The following TRPC5 variants were observed in gnomAD, a reference collection of about 807,000 sequenced individuals.
TRPC5 encodes the protein short transient receptor potential channel 5.
Under a neutral mutation model 56.5 loss-of-function variants are expected in TRPC5, and 9 were observed. The ratio of observed to expected loss-of-function variants is 0.16; its 90% CI spans 0.10 to 0.28. The LOEUF is 0.28. Among genes scored for constraint, TRPC5 ranks in the 10% least tolerant of loss-of-function variants. TRPC5 has a pLI of 1.00. For missense variants in TRPC5, 469 were observed against 748.9 expected, an observed-to-expected ratio of 0.63 and a Z score of 4.36; for synonymous variants, 282 against 278.5, an observed-to-expected ratio of 1.01 and a Z score of -0.13.
In TRPC5 at chrX:112,008,522, C is replaced by T. The variant is rs181416139; in HGVS notation, c.-21-56081G>A. Among the ~76,000 whole-genome samples the T allele has an allele frequency of 6.4e-3, 698 of 108,855 alleles. 2 individuals carry two copies. The highest frequency in any genetic ancestry group is 0.01 in the Non-Finnish European group (534 of 52,361). The allele number at this position is 108,855 out of a possible 115,157, so 94.5% of individuals were successfully genotyped here. On this transcript the variant is annotated intron_variant, in intron 1 of 10. Coordinates refer to ENST00000262839, the MANE Select transcript of TRPC5 (RefSeq NM_012471.3). ...GGCTGAGGCAGGAGAATGGTGTGAACCCGGGAGGTGGAGCTTGCAGTGAGC... is the reference window on the plus strand; with the variant it reads ...GGCTGAGGCAGGAGAATGGTGTGAATCCGGGAGGTGGAGCTTGCAGTGAGC...
chrX:112,047,950 C>T (rs1479674097), intron 1 of TRPC5, among the ~76,000 whole-genome samples: 1 of 112,428 alleles, frequency 8.9e-6, no homozygotes, highest in East Asian at 2.8e-4. Flanking sequence ...TTCTACTAGA[C>T]TATCAACTTC....
intron 1 of TRPC5, among the ~76,000 whole-genome samples, chrX:112,030,723 T>C (rs1367218727): frequency 8.9e-6 from 1 of 112,201 alleles, no homozygotes; most frequent in African/African-American, 3.2e-5. Context: ...TATATAATTG[T>C]TTAAGTATCC....
rs183593261 is a variant in TRPC5 at position 111,811,453 on chromosome X, C to T, written c.1896+23468G>A. ...CACACAAACACACACAGAGTTATGG[C>T]TATAATAAACTCTCACTGTCCTGAA... On this transcript the variant is annotated intron_variant, in intron 7 of 10. Coordinates refer to ENST00000262839, the MANE Select transcript of TRPC5 (RefSeq NM_012471.3). Among the ~76,000 whole-genome samples the T allele has an allele frequency of 3.3e-3, 370 of 112,538 alleles. 3 individuals carry two copies. The highest frequency in any genetic ancestry group is 0.011 in the African/African-American group (335 of 31,035).
intron 1 of TRPC5, among the ~76,000 whole-genome samples, chrX:112,024,816 A>T (rs947102658): frequency 8.9e-6 from 1 of 111,922 alleles, no homozygotes; most frequent in African/African-American, 3.2e-5. Flanking sequence ...GAGACCTGTA[A>T]TCCTGACTCA....
intron 7 of TRPC5, among the ~76,000 whole-genome samples, chrX:111,833,467 C>T (rs1425953249): frequency 9.0e-6 from 1 of 111,294 alleles, no homozygotes; most frequent in East Asian, 2.8e-4. Flanking sequence ...TTCTCTACCA[C>T]CTAGATACCT....
rs185291405 is a variant in TRPC5, at chrX:111,812,894, A to G, written c.1896+22027T>C. ...GTTTTATTTATAACCCTTGATTTAAACTGAATTATAACATTATGGATGTGC... is the reference window on the plus strand; with the variant it reads ...GTTTTATTTATAACCCTTGATTTAAGCTGAATTATAACATTATGGATGTGC... On this transcript the variant is annotated intron_variant, in intron 7 of 10. Coordinates refer to ENST00000262839, the MANE Select transcript of TRPC5 (RefSeq NM_012471.3). Among the ~76,000 whole-genome samples the G allele has an allele frequency of 8.9e-5, 10 of 112,649 alleles. No homozygotes were observed. In the East Asian group the frequency reaches 1.9e-3, roughly 22 times the overall value.
intron 2 of TRPC5, among the ~76,000 whole-genome samples, chrX:111,942,112 A>C (rs1926797138): frequency 9.0e-6 from 1 of 111,547 alleles, no homozygotes; most frequent in Non-Finnish European, 1.9e-5. Context: ...GTCCCTTGCT[A>C]TATTCTGGTG....
intron 2 of TRPC5, among the ~76,000 whole-genome samples, chrX:111,914,225 T>G (rs193227044): frequency 5.3e-5 from 6 of 112,220 alleles, no homozygotes; most frequent in African/African-American, 1.6e-4. Context: ...AATGTTCATT[T>G]TAACTGGGTA....
chrX:112,054,781 C>T (rs985171183), intron 1 of TRPC5, among the ~76,000 whole-genome samples: 1 of 111,575 alleles, frequency 9.0e-6, no homozygotes, highest in Non-Finnish European at 1.9e-5. Context: ...AGCCCTCTCT[C>T]TCCATCTCCT....
chrX:111,898,254 TATATATA>T lies in TRPC5; in HGVS notation c.900+14030_900+14036del, dbSNP rs1472278202. Among the ~76,000 whole-genome samples the T allele has an allele frequency of 5.1e-3, 312 of 61,687 alleles. 2 individuals carry two copies. In the African/African-American group the frequency reaches 0.089, roughly 18 times the overall value. 53.6% of individuals were successfully genotyped at this position (61,687 alleles called of 115,157 possible). A position where few individuals can be genotyped will look rare whatever the true frequency, so the allele number is the denominator to read the frequency against. ...TATTATTGAGTTGTAGGGGTTCTTA[TATATATA>T]TATATATATATATATAGACACACAC... On this transcript the variant is annotated intron_variant, in intron 3 of 10. Coordinates refer to ENST00000262839, the MANE Select transcript of TRPC5 (RefSeq NM_012471.3).
intron 1 of TRPC5, among the ~76,000 whole-genome samples, chrX:112,008,491 T>A (rs866984799): frequency 8.2e-5 from 9 of 109,408 alleles, no homozygotes; most frequent in South Asian, 8.1e-4. Flanking sequence ...TCCCAGCTAC[T>A]TGGGAGGCTG....
chrX:111,956,248 G>A (rs1479553230), intron 1 of TRPC5, among the ~76,000 whole-genome samples: 1 of 112,112 alleles, frequency 8.9e-6, no homozygotes. Flanking sequence ...TCAGAGTGTC[G>A]TGGTATCTGT....
At chrX:111,787,739 T>C (rs1286475320) in intron 7 of TRPC5, among the ~76,000 whole-genome samples, 17 of 111,606 alleles carry the variant, frequency 1.5e-4, no homozygotes, top group African/African-American at 5.5e-4. Context: ...ATATCACCAC[T>C]GGTCCCACAG....
chrX:111,965,208 A>T (rs1485046488), intron 1 of TRPC5, among the ~76,000 whole-genome samples: 1 of 111,840 alleles, frequency 8.9e-6, no homozygotes, highest in African/African-American at 3.3e-5. Flanking sequence ...TAAAACAACA[A>T]AGATCAAAGA....
intron 1 of TRPC5, among the ~76,000 whole-genome samples, chrX:112,029,096 T>G (rs1371582227): frequency 1.8e-5 from 2 of 111,645 alleles, no homozygotes; most frequent in Admixed American, 1.9e-4. Context: ...TTTTTTCTGT[T>G]TTCTTTTTGT....
At chrX:111,846,231 GGGGT>G (rs1922922300) in intron 6 of TRPC5, among the ~76,000 whole-genome samples, 1 of 111,297 alleles carries the variant, frequency 9.0e-6, no homozygotes, top group African/African-American at 3.3e-5. Flanking sequence ...GTATGATCTT[GGGGT>G]CATTGCTATG....
intron 3 of TRPC5, among the ~76,000 whole-genome samples, chrX:111,871,596 A>G (rs781481211): frequency 5.3e-4 from 59 of 111,861 alleles, no homozygotes; most frequent in Non-Finnish European, 8.8e-4. Flanking sequence ...ATGCCTGGCA[A>G]CTAGGAAGCC....
At chrX:111,848,866 TGCCTGTTTTA>T (rs1474548219) in intron 5 of TRPC5, among the ~76,000 whole-genome samples, 1 of 112,314 alleles carries the variant, frequency 8.9e-6, no homozygotes, top group East Asian at 2.8e-4. Flanking sequence ...GGAATGGTTA[TGCCTGTTTTA>T]CAAATGGAGG....
chrX:111,998,876 T>C (rs774714800), intron 1 of TRPC5, among the ~76,000 whole-genome samples: 94 of 112,347 alleles, frequency 8.4e-4, no homozygotes, highest in Non-Finnish European at 1.5e-3. Context: ...GTACAATGAA[T>C]TGTTAATTAT....
Sources: allele counts gnomAD v4.1 joint callset (sites outside exome capture counted in the v4.1 genomes callset), GRCh38; gene constraint gnomAD v4.1.1; transcripts MANE v1.5; gene names NCBI Gene and HGNC (gene_info 2026-07-23, HGNC 2026-07-21).